LRP1B: variants seen among roughly 807,000 people sequenced by gnomAD.
LRP1B encodes LDL receptor related protein 1B, also known as low-density lipoprotein receptor-related protein 1B.
Under a neutral mutation model 556.6 loss-of-function variants are expected in LRP1B, and 217 were observed. The ratio of observed to expected loss-of-function variants is 0.39; its 90% CI spans 0.35 to 0.44. The LOEUF is 0.44. Among genes scored for constraint, LRP1B ranks in the 20% least tolerant of loss-of-function variants. The pLI is 1.00. For missense variants in LRP1B, 5,053 were observed against 5,620.8 expected, an observed-to-expected ratio of 0.90 and a Z score of 3.23; for synonymous variants, 2,047 against 1,865.8, an observed-to-expected ratio of 1.10 and a Z score of -2.50.
At chr2:141,645,634 C>T (rs1275651299) in intron 2 of LRP1B, among the ~76,000 whole-genome samples, 4 of 151,780 alleles carry the variant, frequency 2.6e-5, no homozygotes, top group Non-Finnish European at 5.9e-5. Context: ...TCAGCATCAA[C>T]ATGTTTTTTT....
intron 59 of LRP1B, among the ~76,000 whole-genome samples, chr2:140,480,782 T>A (rs11886044): frequency 1.3e-5 from 2 of 152,084 alleles, no homozygotes; most frequent in Non-Finnish European, 2.9e-5. Context: ...AGAAAATAAA[T>A]GAAAGTATGT....
chr2:141,624,043 A>AAAAAAAAT (rs1337564557), intron 2 of LRP1B, among the ~76,000 whole-genome samples: 64 of 149,242 alleles, frequency 4.3e-4, no homozygotes, highest in Admixed American at 4.1e-3. Context: ...AAACAAAAAA[A>AAAAAAAAT]AAAAGAAAAG....
chr2:141,441,106 T>C (rs1680948052), intron 3 of LRP1B, among the ~76,000 whole-genome samples: 1 of 152,168 alleles, frequency 6.6e-6, no homozygotes, highest in South Asian at 2.1e-4. Context: ...GGTCGGAGTC[T>C]TGCTCTGTTG....
At chr2:141,846,545 A>T (rs1194901432) in intron 1 of LRP1B, among the ~76,000 whole-genome samples, 2 of 151,594 alleles carry the variant, frequency 1.3e-5, no homozygotes, top group Non-Finnish European at 3.0e-5. Flanking sequence ...GTAAACCTTG[A>T]ACTGGAAAAT....
At chr2:141,116,589 AC>A (rs1700905518) in intron 7 of LRP1B, among the ~76,000 whole-genome samples, 1 of 152,090 alleles carries the variant, frequency 6.6e-6, no homozygotes, top group African/African-American at 2.4e-5. Context: ...GTGCCCAAAA[AC>A]CTTTACCAAA....
At chr2:140,245,003 GGC>G in intron 87 of LRP1B, among the ~76,000 whole-genome samples, 1 of 151,384 alleles carries the variant, frequency 6.6e-6, no homozygotes, top group Admixed American at 6.6e-5. Context: ...GAGCTACTGA[GGC>G]AAGTTTCTCG....
At chr2:140,808,000 A>C (rs1690783753) in intron 32 of LRP1B, among the ~76,000 whole-genome samples, 1 of 152,236 alleles carries the variant, frequency 6.6e-6, no homozygotes, top group Non-Finnish European at 1.5e-5. Flanking sequence ...GCTGAGGCAC[A>C]AGAATCATTT....
intron 72 of LRP1B, among the ~76,000 whole-genome samples, chr2:140,361,341 C>CACATATATAT (rs1553454117): frequency 3.3e-5 from 1 of 30,714 alleles, no homozygotes; most frequent in Non-Finnish European, 6.5e-5. Context: ...ACTTGGAAAG[C>CACATATATAT]ATATATATAT....
Position 141,310,400 on chromosome 2 carries a change from G to A in LRP1B, c.344-55759C>T, listed in dbSNP as rs144972314. On this transcript the variant is annotated intron_variant, in intron 3 of 90. Coordinates refer to ENST00000389484, the MANE Select transcript of LRP1B (RefSeq NM_018557.3). ...TAAAAATAATATTAGTGCATACCTC[G>A]TAGGGTTATTATAATGATGAACTAC... 7.2e-5 allele frequency among the ~76,000 whole-genome samples: 11 copies of A among 152,182 alleles called. No homozygotes were observed. In the East Asian group the frequency reaches 1.5e-3, roughly 21 times the overall value.
At chr2:140,594,265 T>C (rs1179194464) in intron 43 of LRP1B, among the ~76,000 whole-genome samples, 1 of 152,158 alleles carries the variant, frequency 6.6e-6, no homozygotes, top group Admixed American at 6.6e-5. Flanking sequence ...CCACCGCGCC[T>C]GGCCCATGTT....
chr2:141,614,996 A>G (rs1437870806), intron 2 of LRP1B, among the ~76,000 whole-genome samples: 2 of 152,196 alleles, frequency 1.3e-5, no homozygotes, highest in South Asian at 4.1e-4. Context: ...TGAGTCATTT[A>G]ATAGGAAGAG....
chr2:141,863,324 T>C (rs139358941), intron 1 of LRP1B, among the ~76,000 whole-genome samples: 335 of 152,242 alleles, frequency 2.2e-3, no homozygotes, highest in African/African-American at 7.7e-3. Context: ...AGAGTTTATA[T>C]TGTGGTGGCG....
At chr2:140,971,678 C>CA (rs1159588591) in intron 18 of LRP1B, among the ~76,000 whole-genome samples, 35 of 152,092 alleles carry the variant, frequency 2.3e-4, no homozygotes, top group Non-Finnish European at 2.1e-4. Context: ...ACTAACAATA[C>CA]AAAAAATTAG....
intron 2 of LRP1B, among the ~76,000 whole-genome samples, chr2:141,684,068 G>A (rs112238348): frequency 0.14 from 20,906 of 151,806 alleles, 2,066 homozygotes; most frequent in African/African-American, 0.27. Flanking sequence ...ATCTAGTACC[G>A]GAAATACCAT....
chr2:140,926,860 AT>A (rs535236898), intron 20 of LRP1B, among the ~76,000 whole-genome samples: 29 of 152,092 alleles, frequency 1.9e-4, no homozygotes, highest in Non-Finnish European at 3.4e-4. Flanking sequence ...AAGACCTCAC[AT>A]TTCTCTGAGT....
chr2:140,233,726 T>A (rs1680573058), intron 90 of LRP1B, among the ~76,000 whole-genome samples: 1 of 151,344 alleles, frequency 6.6e-6, no homozygotes, highest in African/African-American at 2.4e-5. Context: ...GCAAGTAAGA[T>A]GTGTTTTCAG....
chr2:140,657,680 T>A (rs1056838479), intron 41 of LRP1B, among the ~76,000 whole-genome samples: 1 of 143,708 alleles, frequency 7.0e-6, no homozygotes, highest in African/African-American at 2.5e-5. Context: ...CATATATATA[T>A]AAATACAACA....
intron 2 of LRP1B, among the ~76,000 whole-genome samples, chr2:141,503,176 T>C (rs1257539156): frequency 6.8e-6 from 1 of 148,088 alleles, no homozygotes; most frequent in African/African-American, 2.4e-5. Context: ...ACATGAATAA[T>C]ATAATAAAGT....
At chr2:141,597,256 C>T (rs1414920957) in intron 2 of LRP1B, among the ~76,000 whole-genome samples, 1 of 151,934 alleles carries the variant, frequency 6.6e-6, no homozygotes, top group African/African-American at 2.4e-5. Flanking sequence ...TCCAATATCA[C>T]TCTCCCAATT....
Sources: gnomAD v4.1 joint callset for allele counts (sites outside exome capture counted in the v4.1 genomes callset) on GRCh38, gnomAD v4.1.1 for gene constraint, MANE v1.5 for transcripts, NCBI Gene and HGNC (gene_info 2026-07-23, HGNC 2026-07-21) for gene names.